The following ABCD3 variants were observed in gnomAD, a reference collection of about 807,000 sequenced individuals.
ABCD3 encodes the protein ATP binding cassette subfamily D member 3, also known as ATP-binding cassette sub-family D member 3.
A neutral mutation model predicts 105.5 loss-of-function variants in ABCD3; 41 were observed. That is an observed-to-expected ratio of 0.39 (90% confidence interval 0.30 to 0.50). The LOEUF is 0.50. Among genes scored for constraint, ABCD3 ranks in the 20% least tolerant of loss-of-function variants. The pLI is 0.84. For missense variants in ABCD3, 622 were observed against 806.3 expected, an observed-to-expected ratio of 0.77 and a Z score of 2.77; for synonymous variants, 258 against 269.0, an observed-to-expected ratio of 0.96 and a Z score of 0.40.
At chr1:94,491,105 A>G in intron 15 of ABCD3, 79 bp from the exon 16 acceptor site, 1 of 999,358 alleles carries the variant, frequency 1.0e-6, no homozygotes, top group Non-Finnish European at 1.5e-6. Flanking sequence ...TAATCAGGTT[A>G]TTTGTATTTT....
chr1:94,460,291 A>G lies in ABCD3; in HGVS notation c.147+1648A>G, dbSNP rs143861488. On this transcript the variant is annotated intron_variant, in intron 2 of 22. Transcript: ENST00000370214. The stretch of plus-strand genomic sequence containing the variant: ...ATCTGGTATGTTAAGTAGAAGAATT[A>G]TCTACAAATTTAATTTGCCTTTCCT... Among the ~76,000 whole-genome samples the G allele has an allele frequency of 1.1e-4, 17 of 152,296 alleles. No homozygotes were observed. In the East Asian group the frequency reaches 2.9e-3, roughly 26 times the overall value.
At chr1:94,486,998 T>TCTAAACTTGTTTAAG (rs1333794666) in intron 10 of ABCD3, among the ~76,000 whole-genome samples, 3 of 152,262 alleles carry the variant, frequency 2.0e-5, no homozygotes, top group African/African-American at 7.2e-5. Context: ...AGACTTGTAG[T>TCTAAACTTGTTTAAG]TTTAAGACAA....
the ABCD3 span, among the ~76,000 whole-genome samples, chr1:94,394,194 G>A: frequency 2.0e-5 from 3 of 152,168 alleles, no homozygotes; most frequent in South Asian, 6.2e-4. Flanking sequence ...GCAACTTAGA[G>A]TGCTTGCTTC....
At chr1:94,412,566 T>A in the ABCD3 span, among the ~76,000 whole-genome samples, 2 of 152,226 alleles carry the variant, frequency 1.3e-5, no homozygotes, top group Non-Finnish European at 2.9e-5. Flanking sequence ...AATTCTTTGC[T>A]CTTACAAAGA....
intron 21 of ABCD3, among the ~76,000 whole-genome samples, chr1:94,508,039 T>A (rs1405669587): frequency 6.7e-6 from 1 of 150,064 alleles, no homozygotes; most frequent in Non-Finnish European, 1.5e-5. Context: ...CCATTGCTTT[T>A]GGTGTTTTAG....
chr1:94,434,551 G>T (rs1659824873), intron 1 of ABCD3, among the ~76,000 whole-genome samples: 1 of 152,148 alleles, frequency 6.6e-6, no homozygotes, highest in South Asian at 2.1e-4. Context: ...GTCAGCTACA[G>T]AGTCACTAGG....
chr1:94,516,319 G>A (rs887225572), intron 22 of ABCD3, among the ~76,000 whole-genome samples: 2 of 151,900 alleles, frequency 1.3e-5, no homozygotes, highest in African/African-American at 4.8e-5. Context: ...ATATAACTGT[G>A]TGACTTTTAA....
At chr1:94,501,929 G>A (rs577719718) in intron 20 of ABCD3, among the ~76,000 whole-genome samples, 31 of 150,576 alleles carry the variant, frequency 2.1e-4, no homozygotes, top group African/African-American at 7.6e-4. Context: ...AATTCCCTGA[G>A]ATCTCTAGAA....
intron 9 of ABCD3, 43 bp downstream of exon 9, chr1:94,480,649 A>C (rs149439656): frequency 6.2e-7 from 1 of 1,603,100 alleles, no homozygotes; most frequent in Non-Finnish European, 8.5e-7. Flanking sequence ...ATTAATTTCT[A>C]TGGATATTGA....
intron 1 of ABCD3, among the ~76,000 whole-genome samples, chr1:94,431,517 C>CA (rs911868743): frequency 3.3e-5 from 5 of 151,540 alleles, no homozygotes; most frequent in African/African-American, 9.7e-5. Flanking sequence ...ATTTCTAGTT[C>CA]AAAAAAAACC....
upstream of ABCD3, among the ~76,000 whole-genome samples, chr1:94,414,535 T>A (rs1023085055): frequency 1.3e-5 from 2 of 152,118 alleles, no homozygotes; most frequent in Non-Finnish European, 2.9e-5. Flanking sequence ...ACTAGCATGA[T>A]CTTTCTTAAA....
At chr1:94,507,692 G>A (rs577930301) in intron 21 of ABCD3, among the ~76,000 whole-genome samples, 17 of 152,200 alleles carry the variant, frequency 1.1e-4, no homozygotes, top group Admixed American at 9.8e-4. Flanking sequence ...TCTAACTGGT[G>A]TGAGATGTTA....
chr1:94,411,135 T>C, the ABCD3 span, among the ~76,000 whole-genome samples: 2 of 152,122 alleles, frequency 1.3e-5, no homozygotes, highest in Non-Finnish European at 2.9e-5. Flanking sequence ...TAAATTGGAC[T>C]CTATCAAAAT....
intron 20 of ABCD3, among the ~76,000 whole-genome samples, chr1:94,501,933 T>G (rs956009253): frequency 9.9e-5 from 15 of 152,188 alleles, no homozygotes; most frequent in Middle Eastern, 3.4e-3. Context: ...CCCTGAGATC[T>G]CTAGAATATT....
At position 94,475,883 on chromosome 1, in the gene ABCD3, A is replaced by C; in HGVS notation, c.627+146A>C. On this transcript the variant is annotated intron_variant, in intron 7 of 22. Coordinates refer to ENST00000370214, the MANE Select transcript of ABCD3 (RefSeq NM_002858.4). ...ATAAGAAAATTAGAGTTGTTGTAAT[A>C]GTTTTAATTATTTTAATTTTTTCTA... 9.2e-6 allele frequency: 6 copies of C among 654,612 alleles called. No homozygotes were observed. The South Asian group carries it at 1.6e-4, about 17-fold the overall frequency. The allele number at this position is 654,612 out of a possible 1,614,324, so 40.6% of individuals were successfully genotyped here.
intron 1 of ABCD3, chr1:94,419,263 A>G: frequency 5.1e-6 from 5 of 985,102 alleles, no homozygotes; most frequent in Non-Finnish European, 6.0e-6. Flanking sequence ...GTTCTGTCGG[A>G]CTTAGAGGGA....
chr1:94,458,264 C>G (rs946995102), intron 1 of ABCD3, among the ~76,000 whole-genome samples: 1 of 152,144 alleles, frequency 6.6e-6, no homozygotes, highest in Non-Finnish European at 1.5e-5. Context: ...TGCTGATGTC[C>G]CATTGGCCAA....
At chr1:94,404,952 GAAAA>G in the ABCD3 span, among the ~76,000 whole-genome samples, 1 of 132,860 alleles carries the variant, frequency 7.5e-6, no homozygotes, top group Admixed American at 7.6e-5. Flanking sequence ...AAAAAAAAAA[GAAAA>G]AAAAAAACAA....
chr1:94,505,298 A>G (rs965016523), intron 20 of ABCD3, among the ~76,000 whole-genome samples: 1 of 151,676 alleles, frequency 6.6e-6, no homozygotes, highest in African/African-American at 2.4e-5. Flanking sequence ...GCCTTGACCT[A>G]CTGGGCTCAA....
Sources: gnomAD v4.1 joint callset for allele counts (sites outside exome capture counted in the v4.1 genomes callset) on GRCh38, gnomAD v4.1.1 for gene constraint, MANE v1.5 for transcripts, NCBI Gene and HGNC (gene_info 2026-07-23, HGNC 2026-07-21) for gene names.